MCPH1: variants seen among roughly 807,000 people sequenced by gnomAD.
The protein encoded by MCPH1 is microcephalin 1.
A neutral mutation model predicts 84.5 loss-of-function variants in MCPH1; 104 were observed. That is an observed-to-expected ratio of 1.23 (90% confidence interval 1.05 to 1.45). The LOEUF (loss-of-function observed/expected upper bound fraction) is 1.45, where lower values mean the gene tolerates loss of function less well. Ranked by LOEUF, MCPH1 falls within the 40% of genes most tolerant of loss-of-function variation. The pLI is 0.00. For synonymous variants in MCPH1, 514 were observed against 366.8 expected (o/e 1.40, Z -4.58); for missense variants, 1,498 against 1,005.7 (o/e 1.49, Z -6.62).
intron 3 of MCPH1, among the ~76,000 whole-genome samples, chr8:6,428,015 A>C (rs1283864774): frequency 6.6e-6 from 1 of 151,102 alleles, no homozygotes; most frequent in Non-Finnish European, 1.5e-5. Context: ...ATGGCCTTGA[A>C]CCACTGACCT....
chr8:6,644,323 G>A lies in MCPH1; in HGVS notation c.*1274G>A, dbSNP rs773895804. 7 of 152,016 alleles carry A rather than the reference G, an allele frequency of 4.6e-5. No homozygotes were observed. The highest frequency in any genetic ancestry group is 8.8e-5 in the Non-Finnish European group (6 of 67,982). 9.4% of individuals were successfully genotyped at this position (152,016 alleles called of 1,614,324 possible). ...TGTGTCTGTCACCTTCTAAAGAAATGAAATGCTAGGAAGTCCTAGCCAGAG... is the reference window on the plus strand; with the variant it reads ...TGTGTCTGTCACCTTCTAAAGAAATAAAATGCTAGGAAGTCCTAGCCAGAG... On this transcript the variant is annotated 3_prime_UTR_variant, in exon 14 of 14. Coordinates refer to ENST00000344683, the MANE Select transcript of MCPH1 (RefSeq NM_024596.5).
intron 12 of MCPH1, among the ~76,000 whole-genome samples, chr8:6,567,023 C>T (rs1427678731): frequency 1.5e-4 from 18 of 122,794 alleles, no homozygotes; most frequent in Admixed American, 4.1e-4. Context: ...ATAGTGCACG[C>T]GGTGCGGTGA....
chr8:6,513,673 C>A, intron 12 of MCPH1: 1 of 1,603,888 alleles, frequency 6.2e-7, no homozygotes, highest in Non-Finnish European at 8.5e-7. Context: ...CATGAACTCA[C>A]TTACCTATAA....
At chr8:6,440,573 A>G (rs2129555148) in intron 6 of MCPH1, among the ~76,000 whole-genome samples, 1 of 152,240 alleles carries the variant, frequency 6.6e-6, no homozygotes, top group South Asian at 2.1e-4. Context: ...GAGTCATCTT[A>G]TTGTCACCAG....
intron 13 of MCPH1, among the ~76,000 whole-genome samples, chr8:6,623,553 C>T (rs758844346): frequency 3.7e-4 from 56 of 152,068 alleles, no homozygotes; most frequent in Non-Finnish European, 5.4e-4. Flanking sequence ...ACATTCGTAT[C>T]TAACTACGGA....
intron 13 of MCPH1, among the ~76,000 whole-genome samples, chr8:6,634,173 G>C (rs932181429): frequency 6.6e-6 from 1 of 152,206 alleles, no homozygotes; most frequent in African/African-American, 2.4e-5. Flanking sequence ...GTGCCACTCA[G>C]TGGTAGGCTG....
intron 12 of MCPH1, among the ~76,000 whole-genome samples, chr8:6,556,132 C>G (rs1824572028): frequency 6.6e-6 from 1 of 152,098 alleles, no homozygotes; most frequent in Non-Finnish European, 1.5e-5. Flanking sequence ...AGTGACTTAA[C>G]TTCTCAGGCT....
intron 3 of MCPH1, among the ~76,000 whole-genome samples, chr8:6,423,857 G>A (rs542648216): frequency 6.6e-6 from 1 of 152,286 alleles, no homozygotes; most frequent in South Asian, 2.1e-4. Context: ...AATGTTGTGA[G>A]TTATCAGTTC....
Position 6,406,700 on chromosome 8 carries a change from T to G in MCPH1, c.22+11T>G. The G allele has an allele frequency of 6.2e-7, 1 of 1,612,028 alleles. No individual in the cohort carries two copies. The highest frequency in any genetic ancestry group is 8.5e-7 in the Non-Finnish European group (1 of 1,179,478). ...CCCCCATCCTGAAAGGTGAGGTACT[T>G]CCTGCTGCCTGCTCCAGCAGCGGGA... On this transcript the variant is annotated intron_variant, in intron 1 of 13. Coordinates refer to ENST00000344683, the MANE Select transcript of MCPH1 (RefSeq NM_024596.5).
At chr8:6,524,417 A>T (rs1817952934) in intron 12 of MCPH1, among the ~76,000 whole-genome samples, 1 of 152,238 alleles carries the variant, frequency 6.6e-6, no homozygotes, top group Non-Finnish European at 1.5e-5. Flanking sequence ...CCTGCTTGAT[A>T]AAGAAACCTT....
chr8:6,641,223 A>G (rs1036351729), intron 13 of MCPH1, among the ~76,000 whole-genome samples: 3 of 151,916 alleles, frequency 2.0e-5, no homozygotes, highest in Non-Finnish European at 4.4e-5. Context: ...TTTTTTTATG[A>G]TTTTTCAAAA....
intron 12 of MCPH1, among the ~76,000 whole-genome samples, chr8:6,536,723 C>T (rs1820570896): frequency 6.6e-6 from 1 of 152,070 alleles, no homozygotes; most frequent in African/African-American, 2.4e-5. Context: ...CATAAATCAC[C>T]ACGTATCAAG....
At chr8:6,463,135 C>G (rs529056058) in intron 9 of MCPH1, among the ~76,000 whole-genome samples, 34 of 152,282 alleles carry the variant, frequency 2.2e-4, no homozygotes, top group African/African-American at 7.9e-4. Context: ...TGATTCTGAG[C>G]TGATGGTCAT....
At chr8:6,495,182 A>G (rs914076575) in intron 11 of MCPH1, among the ~76,000 whole-genome samples, 2 of 152,210 alleles carry the variant, frequency 1.3e-5, no homozygotes, top group African/African-American at 4.8e-5. Context: ...TGTTGTTAAA[A>G]ATTATACTAT....
At chr8:6,588,492 G>T (rs1486439930) in intron 12 of MCPH1, among the ~76,000 whole-genome samples, 2 of 152,182 alleles carry the variant, frequency 1.3e-5, no homozygotes, top group Admixed American at 6.5e-5. Flanking sequence ...CTGGGGACAT[G>T]CTAGGATGGC....
At chr8:6,478,109 T>A (rs1435104365) in intron 10 of MCPH1, among the ~76,000 whole-genome samples, 1 of 152,230 alleles carries the variant, frequency 6.6e-6, no homozygotes, top group Non-Finnish European at 1.5e-5. Context: ...CAGTGCTATA[T>A]TCTTTGCAAC....
chr8:6,425,213 T>C (rs751015873), intron 3 of MCPH1, among the ~76,000 whole-genome samples: 1 of 152,252 alleles, frequency 6.6e-6, no homozygotes, highest in African/African-American at 2.4e-5. Context: ...TTGATTTCTG[T>C]TGGCTCTGAG....
chr8:6,542,759 C>A (rs1030841878), intron 12 of MCPH1, among the ~76,000 whole-genome samples: 1 of 152,078 alleles, frequency 6.6e-6, no homozygotes, highest in Non-Finnish European at 1.5e-5. Flanking sequence ...GGGTGGAGCT[C>A]TGTGGAGGAG....
intron 12 of MCPH1, among the ~76,000 whole-genome samples, chr8:6,506,549 G>A (rs1306715172): frequency 1.3e-5 from 2 of 152,226 alleles, no homozygotes; most frequent in Admixed American, 6.5e-5. Context: ...GGTCCAGCAT[G>A]TGGGGAAATG....
Sources: gnomAD v4.1 joint callset for allele counts (sites outside exome capture counted in the v4.1 genomes callset) on GRCh38, gnomAD v4.1.1 for gene constraint, MANE v1.5 for transcripts, NCBI Gene and HGNC (gene_info 2026-07-23, HGNC 2026-07-21) for gene names.